The following DLGAP2 variants were observed in gnomAD, a reference collection of about 807,000 sequenced individuals.
DLGAP2 encodes the protein disks large-associated protein 2.
In DLGAP2, 26 loss-of-function variants were observed where a neutral mutation model predicts 100.3. The observed-to-expected ratio is 0.26, with a 90% confidence interval of 0.19 to 0.36. The LOEUF is 0.36. Among genes scored for constraint, DLGAP2 ranks in the 10% least tolerant of loss-of-function variants. The probability of loss-of-function intolerance (pLI) is 1.00; values close to 1 mark genes in which losing one functional copy is unlikely to be tolerated. For missense variants in DLGAP2, 1,858 were observed against 1,453.2 expected (o/e 1.28, Z -4.53); for synonymous variants, 886 against 630.1 (o/e 1.41, Z -6.08).
At chr8:1,383,574 T>A (rs770895349) in intron 3 of DLGAP2, among the ~76,000 whole-genome samples, 2 of 152,078 alleles carry the variant, frequency 1.3e-5, no homozygotes, top group Non-Finnish European at 1.5e-5. Context: ...TTCCTGCCTG[T>A]GTTGTATTTT....
chr8:1,204,580 A>ATTGT (rs1273839488), intron 2 of DLGAP2, among the ~76,000 whole-genome samples: 1 of 92,494 alleles, frequency 1.1e-5, no homozygotes, highest in Admixed American at 9.8e-5. Flanking sequence ...CTATGATGTG[A>ATTGT]TAGTTTGGGT....
chr8:1,278,694 AT>A (rs1799756714), intron 3 of DLGAP2, among the ~76,000 whole-genome samples: 1 of 152,190 alleles, frequency 6.6e-6, no homozygotes, highest in Non-Finnish European at 1.5e-5. Context: ...CCTCTTATCT[AT>A]ATGTTTTAGG....
In DLGAP2 at chr8:1,473,089, C is replaced by A. The variant is rs550807541; in HGVS notation, c.107-28277C>A. 1.4e-4 allele frequency among the ~76,000 whole-genome samples: 21 copies of A among 152,270 alleles called. No homozygotes were observed. The East Asian group carries it at 3.5e-3, about 25-fold the overall frequency. On this transcript the variant is annotated intron_variant, in intron 3 of 14. Transcript: ENST00000637795. The stretch of plus-strand genomic sequence containing the variant: ...GGGATTACAGGCACCTGCCACCACA[C>A]CTGGCTAATTTTGGTATTTTTAGTA...
At chr8:1,140,915 G>A (rs993479512) in intron 2 of DLGAP2, among the ~76,000 whole-genome samples, 8 of 152,216 alleles carry the variant, frequency 5.3e-5, no homozygotes, top group Non-Finnish European at 5.9e-5. Flanking sequence ...ACCGGGGGGT[G>A]GAGGTTGCAG....
chr8:1,635,140 C>A (rs188822736), intron 8 of DLGAP2, among the ~76,000 whole-genome samples: 4 of 152,138 alleles, frequency 2.6e-5, no homozygotes, highest in Admixed American at 2.6e-4. Flanking sequence ...CTGCTGTTTC[C>A]CATTTTACTC....
In DLGAP2 at chr8:769,531, T is replaced by C. The variant is rs532545090; in HGVS notation, c.18+31706T>C. On this transcript the variant is annotated intron_variant, in intron 1 of 14. Transcript: ENST00000637795. ...AGTGTTGCTCCTTTTTAAAAAATCA[T>C]GAGAAATCTTTCAGAAAGTTTGGGA... Among the ~76,000 whole-genome samples the C allele has an allele frequency of 3.3e-5, 5 of 152,268 alleles. No individual in the cohort carries two copies. In the East Asian group the frequency reaches 9.6e-4, roughly 29 times the overall value.
intron 3 of DLGAP2, among the ~76,000 whole-genome samples, chr8:1,470,349 C>T (rs917913013): frequency 1.8e-4 from 27 of 152,112 alleles, no homozygotes; most frequent in African/African-American, 6.3e-4. Context: ...CCAAGTGAGC[C>T]CCGCTGGTTC....
At chr8:1,413,881 A>G (rs1796802612) in intron 3 of DLGAP2, among the ~76,000 whole-genome samples, 1 of 152,214 alleles carries the variant, frequency 6.6e-6, no homozygotes, top group African/African-American at 2.4e-5. Context: ...TCAATGGCAT[A>G]CTTATTAAAT....
chr8:1,191,718 AC>A (rs1367856428), intron 2 of DLGAP2, among the ~76,000 whole-genome samples: 1 of 151,750 alleles, frequency 6.6e-6, no homozygotes, highest in East Asian at 1.9e-4. Flanking sequence ...TTTAATTTCC[AC>A]CTCTGATCAC....
chr8:832,748 G>A (rs1304911792), intron 1 of DLGAP2, among the ~76,000 whole-genome samples: 1 of 152,206 alleles, frequency 6.6e-6, no homozygotes, highest in Non-Finnish European at 1.5e-5. Context: ...AAGAATGTCA[G>A]CTGCAGTAGG....
intron 6 of DLGAP2, among the ~76,000 whole-genome samples, chr8:1,587,277 C>T (rs1796150050): frequency 6.6e-6 from 1 of 152,134 alleles, no homozygotes; most frequent in South Asian, 2.1e-4. Flanking sequence ...AGATTTGCTT[C>T]TCAGGAAAAA....
intron 1 of DLGAP2, among the ~76,000 whole-genome samples, chr8:832,958 A>G (rs1231070054): frequency 6.6e-6 from 1 of 152,162 alleles, no homozygotes; most frequent in Non-Finnish European, 1.5e-5. Flanking sequence ...CGTTTCTCTC[A>G]CAACTCTGGT....
At chr8:1,070,658 C>T (rs1023541644) in intron 2 of DLGAP2, among the ~76,000 whole-genome samples, 3 of 152,170 alleles carry the variant, frequency 2.0e-5, no homozygotes, top group Admixed American at 2.0e-4. Flanking sequence ...TCTGTTCAGA[C>T]ACACATACAG....
At chr8:776,613 T>G (rs972427726) in intron 1 of DLGAP2, among the ~76,000 whole-genome samples, 1 of 152,246 alleles carries the variant, frequency 6.6e-6, no homozygotes, top group Admixed American at 6.5e-5. Flanking sequence ...ATGTACCCAG[T>G]AGTCCTTCAG....
intron 2 of DLGAP2, among the ~76,000 whole-genome samples, chr8:921,773 A>C (rs865888165): frequency 4.6e-5 from 7 of 152,224 alleles, no homozygotes; most frequent in Non-Finnish European, 7.3e-5. Flanking sequence ...CCATTGAGCC[A>C]CTGGCCACGT....
intron 3 of DLGAP2, among the ~76,000 whole-genome samples, chr8:1,455,632 C>T (rs1200675764): frequency 2.0e-5 from 3 of 152,246 alleles, no homozygotes; most frequent in Non-Finnish European, 4.4e-5. Flanking sequence ...CCTGCTGTCT[C>T]AGCCCAGGGC....
chr8:1,512,423 C>A (rs1209901291), intron 4 of DLGAP2, among the ~76,000 whole-genome samples: 1 of 152,148 alleles, frequency 6.6e-6, no homozygotes, highest in Admixed American at 6.5e-5. Flanking sequence ...GGGACGGGGC[C>A]AGCGTGGGTG....
intron 2 of DLGAP2, among the ~76,000 whole-genome samples, chr8:966,297 G>A (rs575408899): frequency 6.6e-6 from 1 of 152,276 alleles, no homozygotes; most frequent in South Asian, 2.1e-4. Flanking sequence ...CTTCATGAAT[G>A]TAACTTTGAA....
chr8:1,071,501 G>A lies in DLGAP2; in HGVS notation c.73+163535G>A, dbSNP rs531934207. On this transcript the variant is annotated intron_variant, in intron 2 of 14. Transcript: ENST00000637795. ...GAGAACACTTGCTCCTGGGCGTCCCGGTGCCAGACAGGATCCAGATTTCCC... is the reference window on the plus strand; with the variant it reads ...GAGAACACTTGCTCCTGGGCGTCCCAGTGCCAGACAGGATCCAGATTTCCC... Among the ~76,000 whole-genome samples, 67 of 152,242 alleles carry A rather than the reference G, an allele frequency of 4.4e-4. 1 individual carries two copies. Among genetic ancestry groups the A allele is most frequent in the Non-Finnish European group, 6.2e-4 (42 of 68,016 alleles).
Sources: gnomAD v4.1 joint callset for allele counts (sites outside exome capture counted in the v4.1 genomes callset) on GRCh38, gnomAD v4.1.1 for gene constraint, MANE v1.5 for transcripts, NCBI Gene and HGNC (gene_info 2026-07-23, HGNC 2026-07-21) for gene names.